The following ACER1 variants were observed in gnomAD, a reference collection of about 807,000 sequenced individuals.
ACER1 encodes CTB-180A7.3.
In ACER1, 28 loss-of-function variants were observed where a neutral mutation model predicts 24.9. That is an observed-to-expected ratio of 1.13 (90% CI 0.83 to 1.54). The LOEUF (loss-of-function observed/expected upper bound fraction) is 1.54, where lower values mean the gene tolerates loss of function less well. Ranked by LOEUF, ACER1 falls within the 40% of genes most tolerant of loss-of-function variation. The probability of loss-of-function intolerance (pLI) is 0.00; values close to 1 mark genes in which losing one functional copy is unlikely to be tolerated. For synonymous variants in ACER1, 132 were observed against 131.4 expected (o/e 1.00, Z -0.03); for missense variants, 352 against 349.3 (o/e 1.01, Z -0.06).
At chr19:6,338,302 G>A, upstream of ACER1, among the ~76,000 whole-genome samples, 1 of 151,958 alleles carries the variant, frequency 6.6e-6, no homozygotes, top group Non-Finnish European at 1.5e-5. Flanking sequence ...CAAAATAAAT[G>A]TAAGTGTTAC....
chr19:6,320,376 G>A (rs909347008), intron 1 of ACER1, among the ~76,000 whole-genome samples: 6 of 152,068 alleles, frequency 3.9e-5, no homozygotes, highest in Non-Finnish European at 5.9e-5. Flanking sequence ...GTAGCGGCGC[G>A]ATCTCGGCTC....
intron 1 of ACER1, among the ~76,000 whole-genome samples, chr19:6,319,902 A>G (rs1568310899): frequency 1.3e-5 from 2 of 152,126 alleles, no homozygotes; most frequent in South Asian, 4.1e-4. Context: ...ACTTGAGGTC[A>G]GGAGTTCAAG....
intron 1 of ACER1, among the ~76,000 whole-genome samples, chr19:6,318,544 C>G (rs372306973): frequency 6.8e-6 from 1 of 146,784 alleles, no homozygotes; most frequent in African/African-American, 2.5e-5. Flanking sequence ...TTGGAAAGCT[C>G]AGGCAGGCGG....
chr19:6,329,287 G>C (rs1484639760), intron 1 of ACER1, among the ~76,000 whole-genome samples: 1 of 151,958 alleles, frequency 6.6e-6, no homozygotes, highest in Non-Finnish European at 1.5e-5. Flanking sequence ...AGGTCTTGGG[G>C]AAGCCCTTTC....
At chr19:6,311,456 C>G (rs921911534) in intron 3 of ACER1, among the ~76,000 whole-genome samples, 2 of 151,942 alleles carry the variant, frequency 1.3e-5, no homozygotes, top group Admixed American at 6.6e-5. Flanking sequence ...GCAGGAGGAT[C>G]ACTTGAACCC....
chr19:6,349,896 C>T, the ACER1 span, among the ~76,000 whole-genome samples: 1 of 151,942 alleles, frequency 6.6e-6, no homozygotes, highest in Non-Finnish European at 1.5e-5. Context: ...TTTGGGAAGC[C>T]GAGATGGAAC....
chr19:6,317,399 T>A (rs1282629134), intron 1 of ACER1, among the ~76,000 whole-genome samples: 2 of 152,214 alleles, frequency 1.3e-5, no homozygotes, highest in Non-Finnish European at 2.9e-5. Flanking sequence ...TGCAAGCGCT[T>A]CTCTTCAGTG....
upstream of ACER1, among the ~76,000 whole-genome samples, chr19:6,336,799 G>A (rs1343050015): frequency 2.2e-5 from 3 of 133,444 alleles, no homozygotes; most frequent in African/African-American, 5.9e-5. Flanking sequence ...CAGCCCGGGC[G>A]ACAGATCGAG....
At chr19:6,325,567 C>G (rs572313529) in intron 1 of ACER1, among the ~76,000 whole-genome samples, 1 of 152,296 alleles carries the variant, frequency 6.6e-6, no homozygotes, top group South Asian at 2.1e-4. Context: ...GCAGGAGAAT[C>G]ACTTGAACCT....
At chr19:6,317,656 G>A (rs550985028) in intron 1 of ACER1, among the ~76,000 whole-genome samples, 1 of 152,290 alleles carries the variant, frequency 6.6e-6, no homozygotes, top group South Asian at 2.1e-4. Flanking sequence ...AATAAATAAA[G>A]TCTAAACTCT....
chr19:6,334,723 A>T (rs2145023568), upstream of ACER1, among the ~76,000 whole-genome samples: 1 of 152,198 alleles, frequency 6.6e-6, no homozygotes, highest in South Asian at 2.1e-4. Flanking sequence ...CTCACCTGTC[A>T]TATGGAGACG....
intron 1 of ACER1, among the ~76,000 whole-genome samples, chr19:6,329,883 T>C (rs942859431): frequency 1.3e-5 from 2 of 151,386 alleles, no homozygotes; most frequent in African/African-American, 4.8e-5. Context: ...TAATTTTTTT[T>C]TTTTTGAGAT....
chr19:6,306,183 G>T lies in ACER1; in HGVS notation c.*531C>A. On this transcript the variant is annotated 3_prime_UTR_variant, in exon 6 of 6. Transcript: ENST00000301452. ...CTGCCTCAGCCTCCCAAGTAGCTGAGATTACAGGCATGCACCACCACGCCC... is the reference window on the plus strand; with the variant it reads ...CTGCCTCAGCCTCCCAAGTAGCTGATATTACAGGCATGCACCACCACGCCC... 1 of 152,708 alleles carries T rather than the reference G, an allele frequency of 6.5e-6. No individual in the cohort carries two copies. Among genetic ancestry groups the T allele is most frequent in the Non-Finnish European group, 1.5e-5 (1 of 68,314 alleles). 9.5% of individuals were successfully genotyped at this position (152,708 alleles called of 1,614,324 possible). A position where few individuals can be genotyped will look rare whatever the true frequency, so the allele number is the denominator to read the frequency against.
chr19:6,335,855 G>A (rs969600232), upstream of ACER1, among the ~76,000 whole-genome samples: 10 of 150,418 alleles, frequency 6.6e-5, no homozygotes, highest in East Asian at 2.0e-4. Context: ...AATCCTAAGC[G>A]CCAGGAACTA....
chr19:6,338,367 C>T (rs902517081), upstream of ACER1, among the ~76,000 whole-genome samples: 7 of 152,142 alleles, frequency 4.6e-5, no homozygotes, highest in Non-Finnish European at 7.3e-5. Flanking sequence ...CATAGATTTG[C>T]TCCCATTTTT....
At chr19:6,338,415 G>T (rs1311822288), upstream of ACER1, among the ~76,000 whole-genome samples, 1 of 152,198 alleles carries the variant, frequency 6.6e-6, no homozygotes, top group Non-Finnish European at 1.5e-5. Flanking sequence ...ACACATGAAT[G>T]CATGGGAAAA....
the ACER1 span, among the ~76,000 whole-genome samples, chr19:6,340,359 G>T: frequency 3.1e-4 from 33 of 106,494 alleles, no homozygotes; most frequent in Admixed American, 3.8e-4. Context: ...AAGGAAGGAA[G>T]GAAGGAAGGA....
chr19:6,325,304 C>A (rs968072888), intron 1 of ACER1, among the ~76,000 whole-genome samples: 6 of 152,156 alleles, frequency 3.9e-5, no homozygotes, highest in Non-Finnish European at 7.3e-5. Flanking sequence ...GGGGAGACTC[C>A]CCCTGGGCTC....
chr19:6,306,588 G>A lies in ACER1; in HGVS notation c.*126C>T. On this transcript the variant is annotated 3_prime_UTR_variant, in exon 6 of 6. Transcript: ENST00000301452. ...AAGGCAGGGCAGCGCAGGACAAGGA[G>A]GACACGGAAGGGGAAACAGAGGAAG... The A allele has an allele frequency of 1.7e-6, 2 of 1,171,816 alleles. No homozygotes were observed. Among genetic ancestry groups the A allele is most frequent in the Non-Finnish European group, 1.2e-6 (1 of 840,596 alleles). The allele number at this position is 1,171,816 out of a possible 1,614,324, so 72.6% of individuals were successfully genotyped here. A position where few individuals can be genotyped will look rare whatever the true frequency, so the allele number is the denominator to read the frequency against.
Sources: allele counts gnomAD v4.1 joint callset (sites outside exome capture counted in the v4.1 genomes callset), GRCh38; gene constraint gnomAD v4.1.1; transcripts MANE v1.5; gene names NCBI Gene and HGNC (gene_info 2026-07-23, HGNC 2026-07-21).